WWOX: variants seen among roughly 807,000 people sequenced by gnomAD.
WWOX encodes WW domain containing oxidoreductase.
Under a neutral mutation model 46.2 loss-of-function variants are expected in WWOX, and 69 were observed. The ratio of observed to expected loss-of-function variants is 1.49; its 90% CI spans 1.23 to 1.82. WWOX has a LOEUF of 1.82. WWOX is among the 40% of genes most tolerant of loss of function. The pLI is 0.00. For missense variants in WWOX, 919 were observed against 542.6 expected (o/e 1.69, Z -6.89); for synonymous variants, 359 against 202.6 (o/e 1.77, Z -6.56).
intron 8 of WWOX, among the ~76,000 whole-genome samples, chr16:78,549,814 A>G (rs1195669191): frequency 6.6e-6 from 1 of 152,236 alleles, no homozygotes; most frequent in African/African-American, 2.4e-5. Context: ...AATACCTGTA[A>G]CAAACATTTG....
At chr16:78,333,761 C>T (rs566724956) in intron 5 of WWOX, among the ~76,000 whole-genome samples, 5 of 152,282 alleles carry the variant, frequency 3.3e-5, no homozygotes, top group Admixed American at 2.0e-4. Flanking sequence ...GTTCAGCAAA[C>T]GTGACCCAAA....
chr16:78,508,376 T>G (rs77608162), intron 8 of WWOX, among the ~76,000 whole-genome samples: 9,064 of 146,388 alleles, frequency 0.062, 998 homozygotes, highest in African/African-American at 0.22. Flanking sequence ...TAGTGTAGTT[T>G]ATGCGTGGCC....
chr16:78,880,387 C>T (rs191112498), intron 8 of WWOX, among the ~76,000 whole-genome samples: 1 of 152,248 alleles, frequency 6.6e-6, no homozygotes, highest in East Asian at 1.9e-4. Context: ...GTAATGAAGC[C>T]CTCCGGGAAT....
Position 78,162,493 on chromosome 16 carries a change from G to A in WWOX, c.410-1690G>A, listed in dbSNP as rs544319062. ...CATAAATATATATATATATACAAAC[G>A]TACATTTCTGCTTGTAGCTTGCACA... On this transcript the variant is annotated intron_variant, in intron 4 of 8. Coordinates refer to ENST00000566780, the MANE Select transcript of WWOX (RefSeq NM_016373.4). Among the ~76,000 whole-genome samples, 6 of 146,632 alleles carry A rather than the reference G, an allele frequency of 4.1e-5. No individual in the cohort carries two copies. The East Asian group carries it at 6.2e-4, about 15-fold the overall frequency.
At chr16:78,981,244 C>A (rs2046675359) in intron 8 of WWOX, among the ~76,000 whole-genome samples, 1 of 152,054 alleles carries the variant, frequency 6.6e-6, no homozygotes, top group African/African-American at 2.4e-5. Flanking sequence ...CCCAACTCTG[C>A]CCTCTTATTA....
chr16:78,952,298 C>T (rs1454680205), intron 8 of WWOX, among the ~76,000 whole-genome samples: 2 of 152,004 alleles, frequency 1.3e-5, no homozygotes, highest in African/African-American at 4.8e-5. Flanking sequence ...TTAAATCCTT[C>T]TATAAGTTTT....
chr16:78,455,962 G>A (rs73572887), intron 8 of WWOX, among the ~76,000 whole-genome samples: 295 of 152,286 alleles, frequency 1.9e-3, no homozygotes, highest in African/African-American at 6.5e-3. Context: ...GGCATAGGCC[G>A]GCAGTGGCTA....
chr16:78,721,918 C>T (rs958871092), intron 8 of WWOX, among the ~76,000 whole-genome samples: 1 of 152,208 alleles, frequency 6.6e-6, no homozygotes, highest in African/African-American at 2.4e-5. Context: ...CTCAGGAAAC[C>T]CAACTTTGTA....
At chr16:78,166,188 A>G (rs1387590639) in intron 5 of WWOX, among the ~76,000 whole-genome samples, 1 of 151,934 alleles carries the variant, frequency 6.6e-6, no homozygotes, top group Non-Finnish European at 1.5e-5. Flanking sequence ...TAAACTTAGT[A>G]CTGCAGGAGA....
chr16:78,517,672 G>C (rs1285405101), intron 8 of WWOX, among the ~76,000 whole-genome samples: 1 of 152,142 alleles, frequency 6.6e-6, no homozygotes, highest in Non-Finnish European at 1.5e-5. Flanking sequence ...TGGTGGAAGC[G>C]CGAGGTGGTG....
At chr16:78,747,706 G>T (rs919926218) in intron 8 of WWOX, among the ~76,000 whole-genome samples, 1 of 152,104 alleles carries the variant, frequency 6.6e-6, no homozygotes, top group African/African-American at 2.4e-5. Flanking sequence ...CTCGATTACT[G>T]TCTGCCTCTT....
intron 4 of WWOX, among the ~76,000 whole-genome samples, chr16:78,161,412 TTC>T (rs368912282): frequency 6.6e-5 from 10 of 150,748 alleles, no homozygotes; most frequent in African/African-American, 7.3e-5. Context: ...CCTTTTTCCT[TTC>T]TCTCTCTCTC....
intron 8 of WWOX, among the ~76,000 whole-genome samples, chr16:78,741,058 C>T (rs2049212880): frequency 6.6e-6 from 1 of 152,156 alleles, no homozygotes; most frequent in African/African-American, 2.4e-5. Flanking sequence ...CCCTGTCCAG[C>T]CAGCCACTCG....
intron 8 of WWOX, among the ~76,000 whole-genome samples, chr16:78,946,742 T>C (rs189743567): frequency 4.0e-5 from 6 of 151,442 alleles, no homozygotes; most frequent in African/African-American, 1.2e-4. Context: ...GCGGGCCATA[T>C]GGATGCAGTG....
intron 8 of WWOX, among the ~76,000 whole-genome samples, chr16:79,022,739 C>T (rs1297256566): frequency 6.6e-6 from 1 of 152,150 alleles, no homozygotes; most frequent in African/African-American, 2.4e-5. Flanking sequence ...GAGGCAGTGG[C>T]CCCCCACCAA....
intron 8 of WWOX, among the ~76,000 whole-genome samples, chr16:78,888,838 C>A (rs1472007908): frequency 6.6e-6 from 1 of 151,994 alleles, no homozygotes; most frequent in South Asian, 2.1e-4. Flanking sequence ...TTCATAGTCT[C>A]AACTATGTCT....
At chr16:78,109,094 G>C (rs1056661187) in intron 2 of WWOX, among the ~76,000 whole-genome samples, 3 of 152,098 alleles carry the variant, frequency 2.0e-5, no homozygotes, top group Non-Finnish European at 4.4e-5. Flanking sequence ...ATTGTTCTTG[G>C]CTATACTATG....
At chr16:78,378,978 T>A (rs543075021) in intron 5 of WWOX, among the ~76,000 whole-genome samples, 2 of 152,328 alleles carry the variant, frequency 1.3e-5, no homozygotes, top group East Asian at 3.9e-4. Flanking sequence ...GGCAGTCATG[T>A]GACGACATGA....
At chr16:78,326,427 A>C (rs919507512) in intron 5 of WWOX, among the ~76,000 whole-genome samples, 4 of 152,108 alleles carry the variant, frequency 2.6e-5, no homozygotes, top group Non-Finnish European at 5.9e-5. Flanking sequence ...CACTGGGAGA[A>C]ACAAGGGGTT....
Sources: gnomAD v4.1 joint callset for allele counts (sites outside exome capture counted in the v4.1 genomes callset) on GRCh38, gnomAD v4.1.1 for gene constraint, MANE v1.5 for transcripts, NCBI Gene and HGNC (gene_info 2026-07-23, HGNC 2026-07-21) for gene names.